The following IL1R1 variants were observed in gnomAD, a reference collection of about 807,000 sequenced individuals.
IL1R1 encodes interleukin-1 receptor type 1.
In IL1R1, 22 loss-of-function variants were observed where a neutral mutation model predicts 50.2. The ratio of observed to expected loss-of-function variants is 0.44; its 90% CI spans 0.31 to 0.63. The LOEUF (loss-of-function observed/expected upper bound fraction) is 0.63. Ranked by LOEUF, IL1R1 falls within the 20% of genes least tolerant of loss-of-function variation. The pLI is 0.07. For synonymous variants in IL1R1, 251 were observed against 236.7 expected (o/e 1.06, Z -0.55); for missense variants, 509 against 676.2 (o/e 0.75, Z 2.74).
Position 102,177,575 on chromosome 2 carries a change from T to A in IL1R1, c.*816T>A, listed in dbSNP as rs199698180. ...ATACACATCCCCAGCCAGAAGTTAG[T>A]GTCCGAAGACCGAATTTTATTTTAC... On this transcript the variant is annotated 3_prime_UTR_variant, in exon 12 of 12. Coordinates refer to ENST00000410023, the MANE Select transcript of IL1R1 (RefSeq NM_000877.4). 2 of 152,390 alleles carry A rather than the reference T, an allele frequency of 1.3e-5. No individual in the cohort carries two copies. The highest frequency in any genetic ancestry group is 4.8e-5 in the African/African-American group (2 of 41,462). 9.4% of individuals were successfully genotyped at this position (152,390 alleles called of 1,614,324 possible).
intron 1 of IL1R1, among the ~76,000 whole-genome samples, chr2:102,151,441 C>T (rs987856705): frequency 6.6e-6 from 1 of 152,166 alleles, no homozygotes; most frequent in Non-Finnish European, 1.5e-5. Flanking sequence ...GGATTCCTTC[C>T]CTCCCTCCCT....
At chr2:102,105,296 A>T (rs1019787671) in intron 1 of IL1R1, among the ~76,000 whole-genome samples, 10 of 151,876 alleles carry the variant, frequency 6.6e-5, no homozygotes, top group African/African-American at 2.4e-4. Flanking sequence ...ATCACTTCCC[A>T]TTAAGCTTCT....
rs1025981482 is a variant in IL1R1, at chr2:102,178,956, A to G, written c.*2197A>G. ...ATAATAATTTTCCTCCTAAACAAAA[A>G]CACATTGAGTTTAAGTCTCTGACTC... On this transcript the variant is annotated 3_prime_UTR_variant, in exon 12 of 12. Transcript: ENST00000410023. 1.3e-5 allele frequency: 2 copies of G among 152,286 alleles called. No individual in the cohort carries two copies. Among genetic ancestry groups the G allele is most frequent in the African/African-American group, 4.8e-5 (2 of 41,440 alleles). 9.4% of individuals were successfully genotyped at this position (152,286 alleles called of 1,614,324 possible). A position where few individuals can be genotyped will look rare whatever the true frequency, so the allele number is the denominator to read the frequency against.
At chr2:102,168,770 A>G (rs900030313) in intron 7 of IL1R1, 107 bp downstream of exon 7, 3 of 776,518 alleles carry the variant, frequency 3.9e-6, no homozygotes, top group East Asian at 2.8e-5. Flanking sequence ...CATTTACTGT[A>G]TAAATCTATC....
intron 1 of IL1R1, among the ~76,000 whole-genome samples, chr2:102,077,363 A>G (rs968165287): frequency 6.6e-6 from 1 of 152,152 alleles, no homozygotes; most frequent in African/African-American, 2.4e-5. Context: ...GAGCCGTGGC[A>G]CCCGGCCGAA....
At chr2:102,105,475 C>T (rs1157211836) in intron 1 of IL1R1, among the ~76,000 whole-genome samples, 1 of 152,184 alleles carries the variant, frequency 6.6e-6, no homozygotes, top group Non-Finnish European at 1.5e-5. Flanking sequence ...AGCGATTCTC[C>T]TGCCTCAGCC....
chr2:102,146,661 G>A (rs1240690973), intron 1 of IL1R1, among the ~76,000 whole-genome samples: 3 of 152,216 alleles, frequency 2.0e-5, no homozygotes, highest in African/African-American at 7.2e-5. Flanking sequence ...AATTTAGTGT[G>A]TATAAACTTG....
chr2:102,175,929 A>C, intron 11 of IL1R1: 1 of 523,494 alleles, frequency 1.9e-6, no homozygotes, highest in Non-Finnish European at 3.3e-6. Flanking sequence ...GGAGTGGTAG[A>C]GATCAAATGA....
At chr2:102,092,070 A>G (rs1311813429) in intron 1 of IL1R1, among the ~76,000 whole-genome samples, 2 of 152,182 alleles carry the variant, frequency 1.3e-5, no homozygotes, top group African/African-American at 4.8e-5. Flanking sequence ...AGTTACCTAC[A>G]CTATCCCAGA....
intron 1 of IL1R1, among the ~76,000 whole-genome samples, chr2:102,114,866 G>T (rs1366616044): frequency 2.6e-5 from 4 of 152,172 alleles, no homozygotes; most frequent in Admixed American, 2.0e-4. Flanking sequence ...ATTGTAAATT[G>T]TTGTTCTAGG....
intron 1 of IL1R1, among the ~76,000 whole-genome samples, chr2:102,123,673 G>T (rs1489966043): frequency 6.6e-6 from 1 of 152,058 alleles, no homozygotes; most frequent in Non-Finnish European, 1.5e-5. Context: ...AGCTACTTGG[G>T]AGGCTGAGGC....
intron 1 of IL1R1, among the ~76,000 whole-genome samples, chr2:102,087,513 C>A (rs1316511485): frequency 6.6e-6 from 1 of 152,132 alleles, no homozygotes; most frequent in East Asian, 1.9e-4. Context: ...TCTGTGTCCC[C>A]ACCCAAATCT....
At chr2:102,170,926 T>A (rs1027676137) in intron 7 of IL1R1, among the ~76,000 whole-genome samples, 1 of 152,160 alleles carries the variant, frequency 6.6e-6, no homozygotes, top group African/African-American at 2.4e-5. Flanking sequence ...CTGGGTGTGG[T>A]GGTGCACACC....
intron 1 of IL1R1, among the ~76,000 whole-genome samples, chr2:102,092,907 G>A (rs773758436): frequency 5.9e-5 from 9 of 151,860 alleles, no homozygotes; most frequent in South Asian, 2.1e-4. Context: ...ATGAAATTTC[G>A]CCAAGATGTA....
At chr2:102,107,207 G>A (rs1427386924) in intron 1 of IL1R1, among the ~76,000 whole-genome samples, 2 of 151,514 alleles carry the variant, frequency 1.3e-5, no homozygotes, top group East Asian at 2.0e-4. Flanking sequence ...GTTTATTGTG[G>A]CACTATTCAC....
chr2:102,174,702 T>A lies in IL1R1; in HGVS notation c.1107T>A (p.Asp369Glu). The A allele has an allele frequency of 6.2e-7, 1 of 1,609,174 alleles. No individual in the cohort carries two copies. The highest frequency in any genetic ancestry group is 8.5e-7 in the Non-Finnish European group (1 of 1,178,566). ...FKIDIVLWYR[D>E]SCYDFLPIKA... ...TTGACATTGTGCTTTGGTACAGGGA[T>A]TCCTGCTATGATTTTCTCCCAATAA... Residue 369 changes from aspartate (D) to glutamate (E), a missense_variant, in exon 10 of 12, where the codon GAT becomes GAA. Transcript: ENST00000410023.
intron 1 of IL1R1, among the ~76,000 whole-genome samples, chr2:102,086,800 A>C (rs1679450588): frequency 6.6e-6 from 1 of 152,214 alleles, no homozygotes; most frequent in Non-Finnish European, 1.5e-5. Context: ...TATCTTATTT[A>C]AAAATTATTT....
intron 1 of IL1R1, among the ~76,000 whole-genome samples, chr2:102,113,684 G>A (rs1393430385): frequency 6.6e-6 from 1 of 152,250 alleles, no homozygotes; most frequent in South Asian, 2.1e-4. Flanking sequence ...AGCCAGTCTC[G>A]GAGGCTGCAC....
chr2:102,082,591 T>A (rs1679261019), intron 1 of IL1R1, among the ~76,000 whole-genome samples: 1 of 151,960 alleles, frequency 6.6e-6, no homozygotes, highest in African/African-American at 2.4e-5. Context: ...GAAGTAGTGG[T>A]TTTCTTGATT....
Sources: allele counts gnomAD v4.1 joint callset (sites outside exome capture counted in the v4.1 genomes callset), GRCh38; gene constraint gnomAD v4.1.1; transcripts MANE v1.5; gene names NCBI Gene and HGNC (gene_info 2026-07-23, HGNC 2026-07-21).